Variants in HPCAL1 observed in about 807,000 individuals in gnomAD.
HPCAL1 encodes hippocalcin like 1, also known as hippocalcin-like protein 1.
In HPCAL1, 8 loss-of-function variants were observed where a neutral mutation model predicts 17.1. The observed-to-expected ratio is 0.47, with a 90% confidence interval of 0.27 to 0.84. The LOEUF (loss-of-function observed/expected upper bound fraction) is 0.84. Ranked by LOEUF, HPCAL1 falls within the 40% of genes least tolerant of loss-of-function variation. The probability of loss-of-function intolerance (pLI) is 0.13; values close to 1 mark genes in which losing one functional copy is unlikely to be tolerated. For missense variants in HPCAL1, 165 were observed against 271.1 expected (o/e 0.61, Z 2.75); for synonymous variants, 112 against 111.4 (o/e 1.01, Z -0.03).
chr2:10,355,031 GA>G (rs1010527924), intron 1 of HPCAL1, among the ~76,000 whole-genome samples: 1 of 152,234 alleles, frequency 6.6e-6, no homozygotes, highest in Non-Finnish European at 1.5e-5. Flanking sequence ...AGAAGGACAG[GA>G]AGCAAAGTGG....
chr2:10,327,010 T>G (rs1664060227), intron 1 of HPCAL1, among the ~76,000 whole-genome samples: 1 of 152,014 alleles, frequency 6.6e-6, no homozygotes, highest in Non-Finnish European at 1.5e-5. Context: ...CCAACCAGAG[T>G]GAACTCCTTC....
intron 1 of HPCAL1, among the ~76,000 whole-genome samples, chr2:10,346,054 A>G (rs917070486): frequency 6.6e-6 from 1 of 151,902 alleles, no homozygotes; most frequent in African/African-American, 2.4e-5. Flanking sequence ...GTGTCTGTGT[A>G]TGTGTGAGAG....
chr2:10,302,935 G>C lies in HPCAL1; in HGVS notation c.-353G>C, dbSNP rs1427184637. The C allele has an allele frequency of 1.3e-5, 2 of 152,074 alleles. No homozygotes were observed. Among genetic ancestry groups the C allele is most frequent in the South Asian group, 2.1e-4 (1 of 4,866 alleles). The allele number at this position is 152,074 out of a possible 1,614,324, so 9.4% of individuals were successfully genotyped here. A position where few individuals can be genotyped will look rare whatever the true frequency, so the allele number is the denominator to read the frequency against. ...GCCGCGGCGGCGGCGGGCAGCGGACGGGCGGACTGACGGGCGCCTCCACCT... is the reference window on the plus strand; with the variant it reads ...GCCGCGGCGGCGGCGGGCAGCGGACCGGCGGACTGACGGGCGCCTCCACCT... On this transcript the variant is annotated 5_prime_UTR_variant, in exon 1 of 5. Transcript: ENST00000307845.
At chr2:10,396,139 A>G (rs1669011785) in intron 1 of HPCAL1, among the ~76,000 whole-genome samples, 1 of 152,306 alleles carries the variant, frequency 6.6e-6, no homozygotes, top group Non-Finnish European at 1.5e-5. Context: ...TTTCCTTCTC[A>G]GTCTCTGGAT....
chr2:10,403,470 G>A (rs933581498), intron 2 of HPCAL1, among the ~76,000 whole-genome samples: 20 of 51,342 alleles, frequency 3.9e-4, no homozygotes, highest in Admixed American at 9.3e-4. Context: ...GTGTGTGTGT[G>A]TGTGTGTGTG....
At chr2:10,424,682 G>A (rs1671291821) in intron 4 of HPCAL1, 2 of 452,650 alleles carry the variant, frequency 4.4e-6, no homozygotes, top group Admixed American at 4.8e-5. Flanking sequence ...TTCCTCCTGT[G>A]AGCCCAGGGG....
chr2:10,357,425 G>A (rs1175703687), intron 1 of HPCAL1, among the ~76,000 whole-genome samples: 1 of 152,210 alleles, frequency 6.6e-6, no homozygotes, highest in Non-Finnish European at 1.5e-5. Context: ...GCTGATGTGG[G>A]CCAGGGAAGC....
chr2:10,312,031 C>T (rs183660311), intron 1 of HPCAL1, among the ~76,000 whole-genome samples: 31 of 151,502 alleles, frequency 2.0e-4, no homozygotes, highest in African/African-American at 7.5e-4. Flanking sequence ...CACCATTCAT[C>T]ATCACTGTCA....
Position 10,369,922 on chromosome 2 carries a change from T to C in HPCAL1, c.-110-26913T>C, listed in dbSNP as rs187687063. Reference sequence around the variant, plus strand: ...ACCTCCTTACTCCTTGAAATGTGCTTCTTAACGTTTTGGAAAAAACAACTT... The same window carrying C: ...ACCTCCTTACTCCTTGAAATGTGCTCCTTAACGTTTTGGAAAAAACAACTT... On this transcript the variant is annotated intron_variant, in intron 1 of 4. Coordinates refer to ENST00000307845, the MANE Select transcript of HPCAL1 (RefSeq NM_002149.4). 1.2e-3 allele frequency among the ~76,000 whole-genome samples: 176 copies of C among 152,320 alleles called. 2 individuals are homozygous for C. Among genetic ancestry groups the C allele is most frequent in the African/African-American group, 4.1e-3 (170 of 41,586 alleles).
rs562539384 is a variant in HPCAL1, at chr2:10,365,779, G to A, written c.-110-31056G>A. ...CTTGGAGAAGAGGGTGTGTGAGGGG[G>A]TGCGGGTGGCCCTCCAGACTGGACC... On this transcript the variant is annotated intron_variant, in intron 1 of 4. Coordinates refer to ENST00000307845, the MANE Select transcript of HPCAL1 (RefSeq NM_002149.4). This position sits in a 1 kb window ranked among gnomAD's most constrained non-coding sequence, Gnocchi z 4.8. Among the ~76,000 whole-genome samples the A allele has an allele frequency of 1.3e-5, 2 of 152,164 alleles. No homozygotes were observed. Among genetic ancestry groups the A allele is most frequent in the African/African-American group, 4.8e-5 (2 of 41,436 alleles).
chr2:10,338,699 C>T lies in HPCAL1; in HGVS notation c.-111+35522C>T, dbSNP rs189833373. Among the ~76,000 whole-genome samples, 197 of 152,270 alleles carry T rather than the reference C, an allele frequency of 1.3e-3. 1 individual carries two copies. Among genetic ancestry groups the T allele is most frequent in the African/African-American group, 4.6e-3 (190 of 41,538 alleles). On this transcript the variant is annotated intron_variant, in intron 1 of 4. Transcript: ENST00000307845. The stretch of plus-strand genomic sequence containing the variant: ...AGCTTGGCAAGACCCCTTGACACCA[C>T]GTGCGTGGAGGGTGCAGGTCGGAGA...
chr2:10,359,789 C>T lies in HPCAL1; in HGVS notation c.-110-37046C>T, dbSNP rs1473546167. ...ATCCCCGTGTCCCCCACAGCGGTGG[C>T]GGTTTTATTGATGTATTGTGAAGGC... On this transcript the variant is annotated intron_variant, in intron 1 of 4. Transcript: ENST00000307845. This position sits in a 1 kb window ranked among gnomAD's most constrained non-coding sequence, Gnocchi z 4.1. Among the ~76,000 whole-genome samples, 2 of 152,196 alleles carry T rather than the reference C, an allele frequency of 1.3e-5. No homozygotes were observed. Among genetic ancestry groups the T allele is most frequent in the East Asian group, 3.9e-4 (2 of 5,192 alleles).
At chr2:10,374,633 C>T (rs368617695) in intron 1 of HPCAL1, among the ~76,000 whole-genome samples, 2 of 152,182 alleles carry the variant, frequency 1.3e-5, no homozygotes, top group Non-Finnish European at 2.9e-5. Flanking sequence ...CAGACACGGG[C>T]GTATTTAATT....
In HPCAL1 at chr2:10,331,266, C is replaced by T. The variant is rs1474650132; in HGVS notation, c.-111+28089C>T. ...CTGGCTGCCTGTTACTCAGCACGTC[C>T]GCCTCTCCTGCCTCCTGAGCCCACA... On this transcript the variant is annotated intron_variant, in intron 1 of 4. Transcript: ENST00000307845. This position sits in a 1 kb window ranked among gnomAD's most constrained non-coding sequence, Gnocchi z 5.0. 3.9e-5 allele frequency among the ~76,000 whole-genome samples: 6 copies of T among 152,108 alleles called. No homozygotes were observed. Among genetic ancestry groups the T allele is most frequent in the South Asian group, 2.1e-4 (1 of 4,828 alleles).
intron 1 of HPCAL1, among the ~76,000 whole-genome samples, chr2:10,336,386 G>A (rs911221971): frequency 4.6e-5 from 7 of 152,164 alleles, no homozygotes; most frequent in East Asian, 1.9e-4. Flanking sequence ...AGTTAGCAGC[G>A]TATTGAGAAT....
chr2:10,399,706 C>T (rs191762163), intron 2 of HPCAL1, among the ~76,000 whole-genome samples: 5 of 152,088 alleles, frequency 3.3e-5, no homozygotes, highest in African/African-American at 9.7e-5. Flanking sequence ...AAGGGCCTTC[C>T]GCTTCTCTCT....
At chr2:10,376,814 G>A (rs1322502453) in intron 1 of HPCAL1, among the ~76,000 whole-genome samples, 1 of 151,726 alleles carries the variant, frequency 6.6e-6, no homozygotes. Flanking sequence ...ATACTGTATT[G>A]TAACAGTATA....
intron 1 of HPCAL1, among the ~76,000 whole-genome samples, chr2:10,311,221 C>T (rs1662942058): frequency 6.6e-6 from 1 of 151,990 alleles, no homozygotes; most frequent in East Asian, 1.9e-4. Flanking sequence ...TTCAGTCATG[C>T]AGTTTGGAGC....
intron 2 of HPCAL1, among the ~76,000 whole-genome samples, chr2:10,410,436 CTTTTTTTTTTTTTT>C (rs36002921): frequency 1.3e-5 from 1 of 77,496 alleles, no homozygotes; most frequent in Admixed American, 1.9e-4. Flanking sequence ...TCTTCTTCTT[CTTTTTTTTTTTTTT>C]TTTTTTTTTT....
Sources: allele counts gnomAD v4.1 joint callset (sites outside exome capture counted in the v4.1 genomes callset), GRCh38; gene constraint gnomAD v4.1.1; non-coding constraint Gnocchi (gnomAD v3.1); transcripts MANE v1.5; gene names NCBI Gene and HGNC (gene_info 2026-07-23, HGNC 2026-07-21).